NT5DC1: variants seen among roughly 807,000 people sequenced by gnomAD.
NT5DC1 encodes the protein 5'-nucleotidase domain containing 1, also known as 5'-nucleotidase domain-containing protein 1.
Under a neutral mutation model 59.4 loss-of-function variants are expected in NT5DC1, and 42 were observed. The ratio of observed to expected loss-of-function variants is 0.71; its 90% CI spans 0.55 to 0.92. NT5DC1 has a LOEUF of 0.92. Among genes scored for constraint, NT5DC1 ranks in the 40% least tolerant of loss-of-function variants. The pLI is 0.00. For synonymous variants in NT5DC1, 172 were observed against 188.1 expected (o/e 0.91, Z 0.70); for missense variants, 501 against 537.1 (o/e 0.93, Z 0.66).
chr6:116,116,511 G>A (rs1346984713), intron 5 of NT5DC1, among the ~76,000 whole-genome samples: 2 of 152,064 alleles, frequency 1.3e-5, no homozygotes, highest in Admixed American at 6.6e-5. Context: ...GTGTGGTGGC[G>A]TGCACCTGTA....
intron 1 of NT5DC1, among the ~76,000 whole-genome samples, chr6:116,102,460 C>G (rs959627046): frequency 6.6e-6 from 1 of 152,194 alleles, no homozygotes; most frequent in African/African-American, 2.4e-5. Flanking sequence ...GTCTTTGATA[C>G]ATGTTTTCCT....
chr6:116,212,873 T>C (rs1781607239), intron 6 of NT5DC1, among the ~76,000 whole-genome samples: 1 of 152,168 alleles, frequency 6.6e-6, no homozygotes, highest in African/African-American at 2.4e-5. Context: ...CTTTAAACTG[T>C]TTAAAACATT....
At chr6:116,194,959 A>G (rs1781194117) in intron 6 of NT5DC1, among the ~76,000 whole-genome samples, 2 of 152,110 alleles carry the variant, frequency 1.3e-5, no homozygotes. Context: ...TGCCATCCCC[A>G]AATCTGGAAG....
At chr6:116,241,939 C>CAAAAAAAA (rs1280732737) in intron 11 of NT5DC1, among the ~76,000 whole-genome samples, 3 of 12,034 alleles carry the variant, frequency 2.5e-4, no homozygotes, top group African/African-American at 3.0e-4. Flanking sequence ...AAAAAAAAAA[C>CAAAAAAAA]AAAACAAAAA....
At chr6:116,150,644 TG>T (rs1291698348) in intron 6 of NT5DC1, among the ~76,000 whole-genome samples, 1 of 152,100 alleles carries the variant, frequency 6.6e-6, no homozygotes, top group Non-Finnish European at 1.5e-5. Flanking sequence ...TGGACAAGAG[TG>T]AGTTTTAGGT....
At chr6:116,158,086 C>G (rs190863172) in intron 6 of NT5DC1, among the ~76,000 whole-genome samples, 41 of 152,298 alleles carry the variant, frequency 2.7e-4, no homozygotes, top group Admixed American at 2.4e-3. Context: ...GTCAATTTCT[C>G]TGAACTACAA....
Position 116,246,582 on chromosome 6 carries a change from C to G in NT5DC1, c.*2558C>G, listed in dbSNP as rs1163970534. 6.6e-6 allele frequency: 1 copy of G among 152,012 alleles called. No individual in the cohort carries two copies. The highest frequency in any genetic ancestry group is 1.5e-5 in the Non-Finnish European group (1 of 67,962). The allele number at this position is 152,012 out of a possible 1,614,324, so 9.4% of individuals were successfully genotyped here. A position where few individuals can be genotyped will look rare whatever the true frequency, so the allele number is the denominator to read the frequency against. ...TAAAATGGAAAATCAAACTGCCTCT[C>G]TAGATATAATAACCTTCACTGACTG... On this transcript the variant is annotated 3_prime_UTR_variant, in exon 12 of 12. Transcript: ENST00000319550.
intron 6 of NT5DC1, chr6:116,137,569 G>T (rs554278069): frequency 9.3e-6 from 2 of 214,280 alleles, no homozygotes; most frequent in Non-Finnish European, 2.0e-5. Flanking sequence ...TTAGTCAAAG[G>T]CTGCGTTTTC....
At chr6:116,119,880 G>T (rs1779055506) in intron 6 of NT5DC1, 1 of 592,854 alleles carries the variant, frequency 1.7e-6, no homozygotes. Context: ...AAATTCAAGA[G>T]AGGCTTCACA....
At chr6:116,240,647 C>T (rs1319381099) in intron 11 of NT5DC1, among the ~76,000 whole-genome samples, 1 of 152,118 alleles carries the variant, frequency 6.6e-6, no homozygotes, top group Non-Finnish European at 1.5e-5. Context: ...AAAATAAATT[C>T]AGAGTTAACT....
intron 6 of NT5DC1, among the ~76,000 whole-genome samples, chr6:116,153,351 A>G (rs958600767): frequency 5.3e-5 from 8 of 152,100 alleles, no homozygotes; most frequent in Non-Finnish European, 1.0e-4. Context: ...TTTTTCACAA[A>G]CATCTTGAGG....
At chr6:116,164,165 G>C (rs1201658784) in intron 6 of NT5DC1, among the ~76,000 whole-genome samples, 1 of 152,174 alleles carries the variant, frequency 6.6e-6, no homozygotes, top group African/African-American at 2.4e-5. Context: ...TCAGTGATCT[G>C]TTTGGTGTTT....
intron 8 of NT5DC1, among the ~76,000 whole-genome samples, chr6:116,236,459 A>C (rs1159359428): frequency 2.0e-5 from 3 of 152,200 alleles, no homozygotes. Context: ...TTGGCATCAG[A>C]TAGTCCTTTC....
intron 6 of NT5DC1, among the ~76,000 whole-genome samples, chr6:116,163,754 A>G (rs756654026): frequency 2.0e-5 from 3 of 152,146 alleles, no homozygotes; most frequent in South Asian, 2.1e-4. Flanking sequence ...ATTTAGTACT[A>G]TGAACTTTCC....
At chr6:116,167,650 C>T (rs772751841) in intron 6 of NT5DC1, among the ~76,000 whole-genome samples, 14 of 152,114 alleles carry the variant, frequency 9.2e-5, no homozygotes, top group Admixed American at 3.3e-4. Flanking sequence ...TTCTACCCTT[C>T]GTTAGTTTTT....
chr6:116,167,740 A>C (rs144207121), intron 6 of NT5DC1, among the ~76,000 whole-genome samples: 2 of 152,290 alleles, frequency 1.3e-5, no homozygotes, highest in Non-Finnish European at 2.9e-5. Context: ...GTCAATGCCC[A>C]TGACCGTTGT....
At chr6:116,194,092 T>C (rs1028223139) in intron 6 of NT5DC1, among the ~76,000 whole-genome samples, 2 of 151,766 alleles carry the variant, frequency 1.3e-5, no homozygotes, top group African/African-American at 4.8e-5. Flanking sequence ...ATAAATAAAG[T>C]AAAAGCAATT....
intron 6 of NT5DC1, among the ~76,000 whole-genome samples, chr6:116,192,770 T>C (rs1451814535): frequency 2.0e-5 from 3 of 152,080 alleles, no homozygotes; most frequent in Middle Eastern, 3.2e-3. Context: ...TATTTCTGTG[T>C]GCACATTTCC....
chr6:116,202,907 A>G (rs1781376440), intron 6 of NT5DC1, among the ~76,000 whole-genome samples: 1 of 152,034 alleles, frequency 6.6e-6, no homozygotes, highest in Non-Finnish European at 1.5e-5. Flanking sequence ...AAAGGCAACA[A>G]ATATTACTAG....
Sources: allele counts gnomAD v4.1 joint callset (sites outside exome capture counted in the v4.1 genomes callset), GRCh38; gene constraint gnomAD v4.1.1; transcripts MANE v1.5; gene names NCBI Gene and HGNC (gene_info 2026-07-23, HGNC 2026-07-21).